NEGR1: variants seen among roughly 807,000 people sequenced by gnomAD.
The protein encoded by NEGR1 is neuronal growth regulator 1.
Under a neutral mutation model 40.9 loss-of-function variants are expected in NEGR1, and 10 were observed. The observed-to-expected ratio is 0.24, with a 90% CI of 0.15 to 0.42. The LOEUF is 0.42. Ranked by LOEUF, NEGR1 falls within the 10% of genes least tolerant of loss-of-function variation. The pLI, the probability that NEGR1 is intolerant of heterozygous loss-of-function variation, is 1.00. For synonymous variants in NEGR1, 185 were observed against 166.8 expected, an observed-to-expected ratio of 1.11 and a Z score of -0.84; for missense variants, 352 against 438.9, an observed-to-expected ratio of 0.80 and a Z score of 1.77.
chr1:72,115,513 G>A (rs1004633401), intron 1 of NEGR1, among the ~76,000 whole-genome samples: 1 of 151,756 alleles, frequency 6.6e-6, no homozygotes, highest in African/African-American at 2.4e-5. Flanking sequence ...CAGTGATTCA[G>A]AAGACATTAC....
intron 4 of NEGR1, among the ~76,000 whole-genome samples, chr1:71,680,124 C>A (rs1557610385): frequency 6.6e-6 from 1 of 151,758 alleles, no homozygotes; most frequent in Non-Finnish European, 1.5e-5. Context: ...TTATTAGAGC[C>A]TCATAAAATT....
chr1:72,169,091 G>GA (rs1261577920), intron 1 of NEGR1, among the ~76,000 whole-genome samples: 2 of 152,040 alleles, frequency 1.3e-5, no homozygotes, highest in Admixed American at 1.3e-4. Flanking sequence ...AATATCATAA[G>GA]AAAAATGTAT....
At chr1:71,681,518 TTTGACA>T (rs1652838074) in intron 4 of NEGR1, among the ~76,000 whole-genome samples, 1 of 152,194 alleles carries the variant, frequency 6.6e-6, no homozygotes, top group African/African-American at 2.4e-5. Flanking sequence ...TTTAAGGTGT[TTTGACA>T]TTGCTTTTTC....
intron 4 of NEGR1, among the ~76,000 whole-genome samples, chr1:71,677,842 G>C (rs149264248): frequency 6.6e-6 from 1 of 152,074 alleles, no homozygotes; most frequent in Non-Finnish European, 1.5e-5. Flanking sequence ...TCTGAGACTC[G>C]AGTTGTGAAG....
At chr1:71,917,449 T>C (rs866666546) in intron 2 of NEGR1, among the ~76,000 whole-genome samples, 16 of 152,304 alleles carry the variant, frequency 1.1e-4, no homozygotes, top group Middle Eastern at 3.4e-3. Context: ...TTCTTTCTCT[T>C]TGATCTTGAT....
At chr1:71,876,386 G>A (rs144946311) in intron 2 of NEGR1, among the ~76,000 whole-genome samples, 4 of 152,096 alleles carry the variant, frequency 2.6e-5, no homozygotes, top group African/African-American at 9.6e-5. Context: ...ATGGTTGCAC[G>A]CTCTGGTAGT....
At chr1:71,628,646 T>C (rs1650868980) in intron 4 of NEGR1, among the ~76,000 whole-genome samples, 1 of 151,914 alleles carries the variant, frequency 6.6e-6, no homozygotes, top group Non-Finnish European at 1.5e-5. Context: ...CTCCCACTTA[T>C]GAGTGAGAAC....
At chr1:71,659,344 T>A (rs1039698010) in intron 4 of NEGR1, among the ~76,000 whole-genome samples, 1 of 152,110 alleles carries the variant, frequency 6.6e-6, no homozygotes, top group Admixed American at 6.5e-5. Flanking sequence ...TATGGATTAC[T>A]CTTAAGTGTA....
At chr1:71,826,948 G>A (rs1046973901) in intron 2 of NEGR1, among the ~76,000 whole-genome samples, 11 of 151,758 alleles carry the variant, frequency 7.2e-5, no homozygotes, top group African/African-American at 1.2e-4. Flanking sequence ...AATGATGAGC[G>A]TCAACATTTC....
intron 1 of NEGR1, 24 bp downstream of exon 1, chr1:72,282,295 C>A (rs1420126184): frequency 6.2e-7 from 1 of 1,612,178 alleles, no homozygotes; most frequent in African/African-American, 1.3e-5. Flanking sequence ...GAAACAAGTA[C>A]GAAAAGCACG....
At chr1:71,603,557 TG>T (rs1445330025) in intron 5 of NEGR1, among the ~76,000 whole-genome samples, 3 of 152,282 alleles carry the variant, frequency 2.0e-5, no homozygotes, top group South Asian at 2.1e-4. Flanking sequence ...TTGTAAAATA[TG>T]TGTTATAAGA....
At chr1:71,839,198 C>CTT (rs140520810) in intron 2 of NEGR1, among the ~76,000 whole-genome samples, 73 of 80,002 alleles carry the variant, frequency 9.1e-4, no homozygotes, top group Admixed American at 1.8e-3. Context: ...AGAGACCAGA[C>CTT]TTTTTTTTTT....
intron 1 of NEGR1, among the ~76,000 whole-genome samples, chr1:72,184,508 G>C (rs990026985): frequency 1.3e-5 from 2 of 152,046 alleles, no homozygotes; most frequent in Non-Finnish European, 2.9e-5. Flanking sequence ...AATCACACAT[G>C]AGAGAACAGT....
At chr1:71,917,203 G>C (rs1026015137) in intron 2 of NEGR1, among the ~76,000 whole-genome samples, 1 of 152,166 alleles carries the variant, frequency 6.6e-6, no homozygotes, top group African/African-American at 2.4e-5. Flanking sequence ...TAAGGAGAGA[G>C]CTGGAAAACT....
intron 1 of NEGR1, among the ~76,000 whole-genome samples, chr1:71,989,309 A>G (rs1487233210): frequency 6.6e-6 from 1 of 152,224 alleles, no homozygotes; most frequent in Admixed American, 6.5e-5. Context: ...GAACAAAATA[A>G]ATTAGATCAA....
At chr1:72,224,284 T>C (rs1394863842) in intron 1 of NEGR1, among the ~76,000 whole-genome samples, 1 of 151,794 alleles carries the variant, frequency 6.6e-6, no homozygotes, top group Admixed American at 6.6e-5. Flanking sequence ...GTAAGAAAAC[T>C]GTTTAGGAAA....
chr1:72,038,464 G>A (rs1261438093), intron 1 of NEGR1, among the ~76,000 whole-genome samples: 1 of 151,934 alleles, frequency 6.6e-6, no homozygotes, highest in Non-Finnish European at 1.5e-5. Flanking sequence ...CAGTAAGAAA[G>A]GTTACTTAGC....
chr1:71,787,631 C>A (rs1350692917), intron 2 of NEGR1, among the ~76,000 whole-genome samples: 2 of 152,042 alleles, frequency 1.3e-5, no homozygotes, highest in African/African-American at 4.8e-5. Flanking sequence ...CAAATGACAC[C>A]TTTATAGGAA....
intron 1 of NEGR1, among the ~76,000 whole-genome samples, chr1:72,154,827 A>C (rs904093018): frequency 3.9e-5 from 6 of 152,144 alleles, no homozygotes; most frequent in Non-Finnish European, 8.8e-5. Context: ...TTAATACATT[A>C]TCCTTCAGGA....
Sources: gnomAD v4.1 joint callset for allele counts (sites outside exome capture counted in the v4.1 genomes callset) on GRCh38, gnomAD v4.1.1 for gene constraint, MANE v1.5 for transcripts, NCBI Gene and HGNC (gene_info 2026-07-23, HGNC 2026-07-21) for gene names.